Variants in NCAM1 observed in about 807,000 individuals in gnomAD.
NCAM1 encodes antigen recognized by monoclonal antibody 5.1H11.
NCAM1 carries 14 observed loss-of-function variants against 109.8 expected under a neutral mutation model. That is an observed-to-expected ratio of 0.13 (90% CI 0.08 to 0.20). The LOEUF (loss-of-function observed/expected upper bound fraction) is 0.20, where lower values mean the gene tolerates loss of function less well. NCAM1 is among the 10% of genes least tolerant of loss of function. The pLI, the probability that NCAM1 is intolerant of heterozygous loss-of-function variation, is 1.00. For synonymous variants in NCAM1, 418 were observed against 442.9 expected (o/e 0.94, Z 0.70); for missense variants, 774 against 1,109.9 (o/e 0.70, Z 4.30).
At chr11:113,235,244 T>C (rs1945130749) in intron 14 of NCAM1, 80 bp downstream of exon 14, 4 of 1,610,506 alleles carry the variant, frequency 2.5e-6, no homozygotes, top group Non-Finnish European at 2.5e-6. Flanking sequence ...AGCTGGCCCA[T>C]GTCATTGTTC....
At chr11:113,163,370 C>T (rs1555104738) in intron 1 of NCAM1, among the ~76,000 whole-genome samples, 2 of 152,168 alleles carry the variant, frequency 1.3e-5, no homozygotes, top group African/African-American at 4.8e-5. Flanking sequence ...GATTTAATGC[C>T]TTTGTTATAA....
At chr11:113,081,509 A>G (rs1222068487) in intron 1 of NCAM1, among the ~76,000 whole-genome samples, 1 of 152,158 alleles carries the variant, frequency 6.6e-6, no homozygotes, top group Non-Finnish European at 1.5e-5. Context: ...GATCTGCCGC[A>G]TGCCACAAGC....
At chr11:113,264,429 G>A (rs1222846081) in intron 17 of NCAM1, 7 of 985,424 alleles carry the variant, frequency 7.1e-6, no homozygotes, top group Non-Finnish European at 8.4e-6. Flanking sequence ...CTCAGGCAGG[G>A]TAGTGCCTCT....
chr11:113,053,780 T>C lies in NCAM1; in HGVS notation c.52+92116T>C, dbSNP rs186037017. On this transcript the variant is annotated intron_variant, in intron 1 of 19. Transcript: ENST00000316851. ...TAATGATATTACTTACTCTTGCCCA[T>C]CCGCATACCACGATCTTAGCTGCAG... Among the ~76,000 whole-genome samples the C allele has an allele frequency of 1.1e-4, 16 of 152,310 alleles. No homozygotes were observed. The South Asian group carries it at 1.9e-3, about 18-fold the overall frequency.
At chr11:113,044,456 G>A (rs1200616877) in intron 1 of NCAM1, among the ~76,000 whole-genome samples, 2 of 152,008 alleles carry the variant, frequency 1.3e-5, no homozygotes, top group Non-Finnish European at 2.9e-5. Flanking sequence ...AGGCTGAGGC[G>A]GGCCGATCAC....
chr11:112,967,024 C>G (rs542371014), intron 1 of NCAM1, among the ~76,000 whole-genome samples: 1 of 152,176 alleles, frequency 6.6e-6, no homozygotes, highest in Non-Finnish European at 1.5e-5. Flanking sequence ...TCCATATATA[C>G]GTAACACTTT....
Position 113,273,185 on chromosome 11 carries a change from C to T in NCAM1, c.2456+1309C>T, listed in dbSNP as rs570973409. On this transcript the variant is annotated intron_variant, in intron 19 of 19. Transcript: ENST00000316851. The surrounding 1 kb of genome is among the most constrained non-coding windows in gnomAD (Gnocchi z 6.0). ...CCCCCTCCCCGGCCCCAGCTTCAGC[C>T]CCCAAGGTCGCCCCCCTCGTTGACC... 5.1e-6 allele frequency: 2 copies of T among 394,040 alleles called. No homozygotes were observed. Among genetic ancestry groups the T allele is most frequent in the East Asian group, 1.4e-4 (2 of 13,864 alleles). The allele number at this position is 394,040 out of a possible 1,614,324, so 24.4% of individuals were successfully genotyped here.
rs1946422814 is a variant in NCAM1, at chr11:113,277,584, T to C, written c.*2197T>C. The C allele has an allele frequency of 2.0e-5, 8 of 396,850 alleles. No homozygotes were observed. The highest frequency in any genetic ancestry group is 8.2e-5 in the African/African-American group (4 of 48,602). The allele number at this position is 396,850 out of a possible 1,614,324, so 24.6% of individuals were successfully genotyped here. On this transcript the variant is annotated 3_prime_UTR_variant, in exon 20 of 20. Transcript: ENST00000316851. ...TGTTCAGTGGACTCAGTTCTTCATC[T>C]TGTAATGTCGATGGCTTTGCCACAC...
intron 1 of NCAM1, among the ~76,000 whole-genome samples, chr11:113,037,705 T>C (rs1428366499): frequency 1.3e-5 from 2 of 152,184 alleles, no homozygotes; most frequent in Non-Finnish European, 2.9e-5. Context: ...ATAAGTCCGA[T>C]ATATTTTTCC....
chr11:113,178,183 AAAAATG>A (rs1422616577), intron 1 of NCAM1, among the ~76,000 whole-genome samples: 1 of 152,116 alleles, frequency 6.6e-6, no homozygotes, highest in Non-Finnish European at 1.5e-5. Context: ...TTTAGAAGAG[AAAAATG>A]AAGAAGGAGA....
Position 113,273,907 on chromosome 11 carries a change from G to C in NCAM1, c.2457-1360G>C, listed in dbSNP as rs1175102382. ...GGCTGGGATAAGGCAGAGAGAGCAG[G>C]ACAGGCAGCTGGGCCCCAGGAGCAG... On this transcript the variant is annotated intron_variant, in intron 19 of 19. Transcript: ENST00000316851. This position sits in a 1 kb window ranked among gnomAD's most constrained non-coding sequence, Gnocchi z 6.0. 5.6e-6 allele frequency: 1 copy of C among 178,762 alleles called. No homozygotes were observed. The highest frequency in any genetic ancestry group is 6.0e-5 in the Admixed American group (1 of 16,738). The allele number at this position is 178,762 out of a possible 1,614,324, so 11.1% of individuals were successfully genotyped here. A position where few individuals can be genotyped will look rare whatever the true frequency, so the allele number is the denominator to read the frequency against.
intron 1 of NCAM1, among the ~76,000 whole-genome samples, chr11:113,070,514 G>A (rs1555085104): frequency 6.6e-6 from 1 of 152,134 alleles, no homozygotes; most frequent in Non-Finnish European, 1.5e-5. Context: ...AGGGCATCAG[G>A]CAGTGTAAAG....
intron 1 of NCAM1, among the ~76,000 whole-genome samples, chr11:113,062,190 G>A (rs1205044380): frequency 2.6e-5 from 4 of 152,162 alleles, no homozygotes; most frequent in Non-Finnish European, 2.9e-5. Context: ...CTTCTATGTA[G>A]TTCCAGAACA....
intron 1 of NCAM1, among the ~76,000 whole-genome samples, chr11:113,011,412 G>A (rs993104434): frequency 1.1e-4 from 17 of 151,930 alleles, no homozygotes; most frequent in African/African-American, 3.1e-4. Flanking sequence ...GAATAATGCC[G>A]CAATAAACAT....
chr11:113,027,590 T>A (rs1296965359), intron 1 of NCAM1, among the ~76,000 whole-genome samples: 2 of 152,094 alleles, frequency 1.3e-5, no homozygotes, highest in Admixed American at 6.5e-5. Flanking sequence ...GATAAGTCAT[T>A]GGCATGAAAG....
At chr11:113,271,544 T>C (rs1946274986) in intron 18 of NCAM1, among the ~76,000 whole-genome samples, 3 of 152,152 alleles carry the variant, frequency 2.0e-5, no homozygotes, top group Admixed American at 2.0e-4. Context: ...AACAGTGTTT[T>C]TGCCTCATTT....
At chr11:113,042,166 G>A (rs1478788121) in intron 1 of NCAM1, among the ~76,000 whole-genome samples, 14 of 152,098 alleles carry the variant, frequency 9.2e-5, no homozygotes, top group African/African-American at 3.4e-4. Flanking sequence ...GACATCACAG[G>A]GCTTCCTTGT....
At chr11:113,080,579 T>C (rs1011244729) in intron 1 of NCAM1, among the ~76,000 whole-genome samples, 2 of 152,046 alleles carry the variant, frequency 1.3e-5, no homozygotes, top group Admixed American at 6.6e-5. Context: ...GGGCATCTAA[T>C]TGGTGATCAA....
chr11:112,964,149 T>TG (rs1480201614), intron 1 of NCAM1, among the ~76,000 whole-genome samples: 4 of 2,422 alleles, frequency 1.7e-3, no homozygotes, highest in Non-Finnish European at 2.6e-3. Flanking sequence ...TGTTTTTTTT[T>TG]TTTTTGTTTT....
Sources: allele counts gnomAD v4.1 joint callset (sites outside exome capture counted in the v4.1 genomes callset), GRCh38; gene constraint gnomAD v4.1.1; non-coding constraint Gnocchi (gnomAD v3.1); transcripts MANE v1.5; gene names NCBI Gene and HGNC (gene_info 2026-07-23, HGNC 2026-07-21).